Variants in TMEM138 observed in about 807,000 individuals in gnomAD.
TMEM138 encodes the protein transmembrane protein 138.
In TMEM138, 9 loss-of-function variants were observed where a neutral mutation model predicts 18.1. The ratio of observed to expected loss-of-function variants is 0.50; its 90% CI spans 0.30 to 0.87. The LOEUF is 0.87. Among genes scored for constraint, TMEM138 ranks in the 40% least tolerant of loss-of-function variants. The probability of loss-of-function intolerance (pLI) is 0.06; values close to 1 mark genes in which losing one functional copy is unlikely to be tolerated. For synonymous variants in TMEM138, 79 were observed against 74.8 expected, an observed-to-expected ratio of 1.06 and a Z score of -0.29; for missense variants, 189 against 190.6, an observed-to-expected ratio of 0.99 and a Z score of 0.05.
At chr11:61,365,359 C>A (rs894906154) in intron 2 of TMEM138, among the ~76,000 whole-genome samples, 1 of 151,676 alleles carries the variant, frequency 6.6e-6, no homozygotes, top group African/African-American at 2.4e-5. Context: ...CCCCTGGGTT[C>A]AAGCAATTCT....
chr11:61,373,170 G>A (rs1013362076), downstream of TMEM138, among the ~76,000 whole-genome samples: 2 of 152,224 alleles, frequency 1.3e-5, no homozygotes, highest in Non-Finnish European at 1.5e-5. Context: ...CCTGAAGCAC[G>A]GGGCTGGAAA....
intron 4 of TMEM138, 112 bp downstream of exon 4, chr11:61,368,110 A>C (rs754162514): frequency 6.2e-6 from 5 of 805,088 alleles, no homozygotes. Context: ...GATGGTTGTG[A>C]CAGCCACACC....
chr11:61,368,373 C>G, intron 4 of TMEM138: 2 of 514,732 alleles, frequency 3.9e-6, no homozygotes, highest in East Asian at 7.1e-5. Context: ...CTACAGGCGC[C>G]CGCCACCACG....
chr11:61,366,063 C>A lies in TMEM138; in HGVS notation c.147C>A (p.Val49=). The change falls in exon 3 of 5, where the codon GTC becomes GTA. Residue 49 remains valine, a synonymous_variant. Transcript: ENST00000278826. ...TCTACAGCATCCAGGATATTGCAGT[C>A]CTCTTCAACATCATCATCATTTTCC... is the stretch of plus-strand genomic sequence containing the variant. ...LVLFIIQDIA[V]LFNIIIIFLM... The A allele has an allele frequency of 6.2e-7, 1 of 1,613,558 alleles. No homozygotes were observed. Among genetic ancestry groups the A allele is most frequent in the Non-Finnish European group, 8.5e-7 (1 of 1,179,754 alleles).
Position 61,364,513 on chromosome 11 carries a change from C to CT in TMEM138, c.125dup (p.Ile43HisfsTer35). Reference sequence around the variant, plus strand: ...AGACTCCTGTCATCCAGCTTGTGCTCTTCATGTGCGTGCAGTAAGGCACTC... The same window carrying CT: ...AGACTCCTGTCATCCAGCTTGTGCTCTTTCATGTGCGTGCAGTAAGGCACTC... On this transcript the variant is annotated frameshift_variant, in exon 2 of 5. Coordinates refer to ENST00000278826, the MANE Select transcript of TMEM138 (RefSeq NM_016464.5). LOFTEE classifies it high-confidence loss of function. The CT allele has an allele frequency of 6.2e-7, 1 of 1,614,112 alleles. No individual in the cohort carries two copies. Among genetic ancestry groups the CT allele is most frequent in the Non-Finnish European group, 8.5e-7 (1 of 1,180,018 alleles).
At chr11:61,371,281 C>G (rs533095679), downstream of TMEM138, among the ~76,000 whole-genome samples, 67 of 152,296 alleles carry the variant, frequency 4.4e-4, no homozygotes, top group Non-Finnish European at 8.1e-4. Context: ...GATCTGCCCC[C>G]CTCGGCCTCC....
downstream of TMEM138, among the ~76,000 whole-genome samples, chr11:61,375,561 G>A (rs979335459): frequency 6.6e-5 from 10 of 152,036 alleles, no homozygotes; most frequent in Middle Eastern, 3.4e-3. Flanking sequence ...GACCTCAGGC[G>A]ATCCACCCAC....
At chr11:61,366,994 T>TA (rs1189315247) in intron 3 of TMEM138, 2 of 152,228 alleles carry the variant, frequency 1.3e-5, no homozygotes, top group Non-Finnish European at 2.9e-5. Flanking sequence ...CTACCAGGGC[T>TA]AAAACAGGTA....
At chr11:61,371,659 A>G (rs373819337), downstream of TMEM138, among the ~76,000 whole-genome samples, 197 of 152,356 alleles carry the variant, frequency 1.3e-3, 1 homozygote, top group African/African-American at 4.4e-3. Context: ...TGTGAGGACA[A>G]TAATCCATGA....
chr11:61,373,614 A>G (rs999452245), downstream of TMEM138, among the ~76,000 whole-genome samples: 1 of 152,102 alleles, frequency 6.6e-6, no homozygotes, highest in Non-Finnish European at 1.5e-5. Context: ...TCCAAAATCA[A>G]ATTATAAATA....
In TMEM138 at chr11:61,368,584, T is replaced by C; in HGVS notation, c.377-13T>C. 1 of 1,597,698 alleles carries C rather than the reference T, an allele frequency of 6.3e-7. No homozygotes were observed. Among genetic ancestry groups the C allele is most frequent in the Non-Finnish European group, 8.6e-7 (1 of 1,166,180 alleles). ...AGCACCCCTGAGGCTTCTCTTCTGC[T>C]TCCTCCCCACAGCAGCAGTGTTGTA... is the stretch of plus-strand genomic sequence containing the variant. On this transcript the variant is annotated splice_polypyrimidine_tract_variant and intron_variant, in intron 4 of 4. Transcript: ENST00000278826.
rs541237125 is a variant in TMEM138, at chr11:61,368,021, G to T, written c.376+23G>T. On this transcript the variant is annotated intron_variant, in intron 4 of 4. Coordinates refer to ENST00000278826, the MANE Select transcript of TMEM138 (RefSeq NM_016464.5). ...TAGGTAAGGACCAGAGCAAGGTCAGGCCTCTCTCAGGTCCCACATGTGTCT... is the reference window on the plus strand; with the variant it reads ...TAGGTAAGGACCAGAGCAAGGTCAGTCCTCTCTCAGGTCCCACATGTGTCT... 11 of 1,515,998 alleles carry T rather than the reference G, an allele frequency of 7.3e-6. No homozygotes were observed. The South Asian group carries it at 1.0e-4, about 14-fold the overall frequency. The allele number at this position is 1,515,998 out of a possible 1,614,324, so 93.9% of individuals were successfully genotyped here.
intron 2 of TMEM138, 168 bp downstream of exon 2, chr11:61,364,686 T>C: frequency 4.5e-6 from 4 of 892,194 alleles, no homozygotes; most frequent in Non-Finnish European, 6.6e-6. Context: ...GCTGGGAGTT[T>C]GAGGACCAGC....
At chr11:61,365,758 A>G (rs1338555441) in intron 2 of TMEM138, 2 of 264,486 alleles carry the variant, frequency 7.6e-6, no homozygotes, top group African/African-American at 2.2e-5. Context: ...AGAATCTTCT[A>G]TAGGACTATG....
chr11:61,370,204 T>G (rs1391098925), downstream of TMEM138, among the ~76,000 whole-genome samples: 1 of 152,114 alleles, frequency 6.6e-6, no homozygotes, highest in Admixed American at 6.6e-5. Flanking sequence ...GGGTAGGGTG[T>G]GCAGGTCAGC....
chr11:61,365,209 A>C (rs1386828968), intron 2 of TMEM138, among the ~76,000 whole-genome samples: 2 of 151,776 alleles, frequency 1.3e-5, no homozygotes, highest in East Asian at 3.9e-4. Flanking sequence ...AATGTTTAAG[A>C]GTGTCAGATA....
chr11:61,367,741 T>TA (rs1473566642), intron 3 of TMEM138, 182 bp from the exon 4 acceptor site: 8 of 625,190 alleles, frequency 1.3e-5, no homozygotes, highest in Non-Finnish European at 2.3e-5. Flanking sequence ...AGTTAAAAGA[T>TA]ATTCCCTTTG....
At chr11:61,372,836 G>A (rs1858380326), downstream of TMEM138, among the ~76,000 whole-genome samples, 1 of 150,840 alleles carries the variant, frequency 6.6e-6, no homozygotes, top group Non-Finnish European at 1.5e-5. Flanking sequence ...GCAAGTCCAA[G>A]CATTTCATTA....
At chr11:61,376,523 TC>T (rs1194633120), downstream of TMEM138, among the ~76,000 whole-genome samples, 1 of 152,234 alleles carries the variant, frequency 6.6e-6, no homozygotes, top group Admixed American at 6.5e-5. Context: ...TTCATTTTTT[TC>T]TTCTTTTTTC....
Sources: allele counts gnomAD v4.1 joint callset (sites outside exome capture counted in the v4.1 genomes callset), GRCh38; gene constraint gnomAD v4.1.1; transcripts MANE v1.5; gene names NCBI Gene and HGNC (gene_info 2026-07-23, HGNC 2026-07-21).